The following ESRRG variants were observed in gnomAD, a reference collection of about 807,000 sequenced individuals.
The protein encoded by ESRRG is estrogen related receptor gamma, also known as estrogen-related receptor gamma.
Under a neutral mutation model 44.0 loss-of-function variants are expected in ESRRG, and 13 were observed. The ratio of observed to expected loss-of-function variants is 0.30; its 90% CI spans 0.19 to 0.47. The LOEUF is 0.47. Ranked by LOEUF, ESRRG falls within the 20% of genes least tolerant of loss-of-function variation. The probability of loss-of-function intolerance (pLI) is 1.00; values close to 1 mark genes in which losing one functional copy is unlikely to be tolerated. For missense variants in ESRRG, 395 were observed against 580.6 expected (o/e 0.68, Z 3.29); for synonymous variants, 215 against 214.6 (o/e 1.00, Z -0.02).
chr1:216,741,074 C>A (rs1444624494), intron 2 of ESRRG, among the ~76,000 whole-genome samples: 1 of 151,282 alleles, frequency 6.6e-6, no homozygotes, highest in Non-Finnish European at 1.5e-5. Context: ...CTTTCACGCC[C>A]CCGTCCCCAT....
chr1:216,561,844 T>C (rs2058802555), intron 5 of ESRRG, among the ~76,000 whole-genome samples: 1 of 152,202 alleles, frequency 6.6e-6, no homozygotes. Context: ...TGAACTCTTC[T>C]GACATTTGCT....
chr1:216,747,632 C>A (rs1254730080), intron 2 of ESRRG, among the ~76,000 whole-genome samples: 3 of 152,140 alleles, frequency 2.0e-5, no homozygotes, highest in South Asian at 4.1e-4. Flanking sequence ...AATCCATAAA[C>A]ACTTAATACC....
intron 5 of ESRRG, among the ~76,000 whole-genome samples, chr1:216,560,475 T>C (rs754976208): frequency 6.6e-6 from 1 of 152,196 alleles, no homozygotes. Flanking sequence ...ATAAATATGT[T>C]TAAGCCATTT....
intron 2 of ESRRG, among the ~76,000 whole-genome samples, chr1:216,760,846 C>T (rs1046835896): frequency 6.6e-5 from 10 of 152,050 alleles, no homozygotes; most frequent in Admixed American, 6.6e-4. Flanking sequence ...GATAGACACT[C>T]TACTAGACAT....
chr1:216,510,500 C>T (rs776646195), intron 6 of ESRRG, among the ~76,000 whole-genome samples: 1 of 151,966 alleles, frequency 6.6e-6, no homozygotes, highest in Non-Finnish European at 1.5e-5. Flanking sequence ...CTTGCAGCTG[C>T]AAATTGAATA....
intron 1 of ESRRG, among the ~76,000 whole-genome samples, chr1:216,720,185 T>C (rs1398772764): frequency 1.3e-5 from 2 of 152,108 alleles, no homozygotes. Flanking sequence ...CAATGATTAC[T>C]TAATTTTTAG....
chr1:216,919,239 A>G lies in ESRRG; in HGVS notation c.-14+20343T>C, dbSNP rs2061542026. 3.3e-5 allele frequency among the ~76,000 whole-genome samples: 5 copies of G among 152,284 alleles called. No homozygotes were observed. The South Asian group carries it at 1.0e-3, about 32-fold the overall frequency. On this transcript the variant is annotated intron_variant, in intron 2 of 7. Transcript: ENST00000359162. ...GCTCTGGTTTCATGCTCTTTCTCCT[A>G]GAGCCAAGGGTTTGCTAATTCCAAG...
At chr1:216,583,385 C>T (rs992763454) in intron 3 of ESRRG, among the ~76,000 whole-genome samples, 6 of 152,188 alleles carry the variant, frequency 3.9e-5, no homozygotes, top group Non-Finnish European at 8.8e-5. Context: ...GAAGTACTGG[C>T]TTCTCTCAAT....
chr1:216,822,406 AC>A (rs1339395166), intron 2 of ESRRG, among the ~76,000 whole-genome samples: 1 of 152,264 alleles, frequency 6.6e-6, no homozygotes, highest in Non-Finnish European at 1.5e-5. Flanking sequence ...GAGATGACCA[AC>A]AACCAAAGAA....
chr1:216,564,426 C>A (rs747262231), intron 4 of ESRRG, 46 bp from the exon 5 acceptor site: 7 of 1,481,426 alleles, frequency 4.7e-6, no homozygotes, highest in Non-Finnish European at 6.4e-6. Flanking sequence ...GTAGTATCAT[C>A]CCTCTTTTAT....
chr1:216,556,037 C>A (rs1163186688), intron 5 of ESRRG, among the ~76,000 whole-genome samples: 4 of 152,074 alleles, frequency 2.6e-5, no homozygotes, highest in African/African-American at 9.7e-5. Flanking sequence ...CCCAACTTTT[C>A]TTTTAGAGGT....
chr1:216,556,244 C>A (rs947015333), intron 5 of ESRRG, among the ~76,000 whole-genome samples: 26 of 151,916 alleles, frequency 1.7e-4, no homozygotes, highest in East Asian at 1.2e-3. Context: ...AAATATATGA[C>A]CTGGGCCAGG....
Position 216,688,877 on chromosome 1 carries a change from T to C in ESRRG, c.57-11386A>G, listed in dbSNP as rs78909552. Among the ~76,000 whole-genome samples the C allele has an allele frequency of 9.5e-3, 1,449 of 152,246 alleles. 19 individuals carry two copies. The highest frequency in any genetic ancestry group is 0.033 in the African/African-American group (1,372 of 41,536). Reference sequence around the variant, plus strand: ...GGTAAGGAAACTCGAGAGAGTGGTGTATATATTCAGAAAGAGTGGAGAAGG... The same window carrying C: ...GGTAAGGAAACTCGAGAGAGTGGTGCATATATTCAGAAAGAGTGGAGAAGG... On this transcript the variant is annotated intron_variant, in intron 1 of 6. Transcript: ENST00000408911.
At chr1:216,845,865 G>T (rs2095737570) in intron 2 of ESRRG, among the ~76,000 whole-genome samples, 1 of 152,038 alleles carries the variant, frequency 6.6e-6, no homozygotes, top group Non-Finnish European at 1.5e-5. Flanking sequence ...TCCTGGAAGA[G>T]TGATACACCC....
intron 3 of ESRRG, among the ~76,000 whole-genome samples, chr1:216,634,317 A>G (rs1857398): frequency 3.3e-5 from 5 of 152,334 alleles, no homozygotes; most frequent in African/African-American, 4.8e-5. Context: ...AACAGTATTC[A>G]AAGACTTGTA....
upstream of ESRRG, among the ~76,000 whole-genome samples, chr1:216,727,112 C>CTGTCAT (rs1370700990): frequency 6.6e-6 from 1 of 152,144 alleles, no homozygotes; most frequent in African/African-American, 2.4e-5. Context: ...AAGTTTATCA[C>CTGTCAT]TGTCATTTTT....
rs1367604590 is a variant in ESRRG at position 216,676,963 on chromosome 1, CAA to C, written c.472+111_472+112del. On this transcript the variant is annotated intron_variant, in intron 2 of 6. Coordinates refer to ENST00000408911, the MANE Select transcript of ESRRG (RefSeq NM_001438.4). Reference sequence around the variant, plus strand: ...TTGTAATCTATTTCCATTTTCTACTCAAGAGAGAATTAAAACTATGATACTTG... The same window carrying C: ...TTGTAATCTATTTCCATTTTCTACTCGAGAGAATTAAAACTATGATACTTG... 3 of 743,422 alleles carry C rather than the reference CAA, an allele frequency of 4.0e-6. No individual in the cohort carries two copies. In the African/African-American group the frequency reaches 5.3e-5, roughly 13 times the overall value. The allele number at this position is 743,422 out of a possible 1,614,324, so 46.1% of individuals were successfully genotyped here.
chr1:217,096,036 A>G (rs1457212830), intron 1 of ESRRG, among the ~76,000 whole-genome samples: 4 of 152,268 alleles, frequency 2.6e-5, no homozygotes, highest in Admixed American at 2.6e-4. Flanking sequence ...AGTCTTAAAT[A>G]AAGCTGCATT....
intron 1 of ESRRG, among the ~76,000 whole-genome samples, chr1:216,712,936 A>G (rs2083939396): frequency 6.6e-6 from 1 of 152,230 alleles, no homozygotes; most frequent in Non-Finnish European, 1.5e-5. Context: ...ATTTTAAGGA[A>G]CTAGTACTGA....
Sources: allele counts gnomAD v4.1 joint callset (sites outside exome capture counted in the v4.1 genomes callset), GRCh38; gene constraint gnomAD v4.1.1; transcripts MANE v1.5; gene names NCBI Gene and HGNC (gene_info 2026-07-23, HGNC 2026-07-21).